The following CBFA2T3 variants were observed in gnomAD, a reference collection of about 807,000 sequenced individuals.
CBFA2T3 encodes CBFA2/RUNX1 partner transcriptional co-repressor 3, also known as transcriptional corepressor CBFA2T3.
Under a neutral mutation model 58.6 loss-of-function variants are expected in CBFA2T3, and 31 were observed. The ratio of observed to expected loss-of-function variants is 0.53; its 90% CI spans 0.40 to 0.71. CBFA2T3 has a LOEUF of 0.71. Among genes scored for constraint, CBFA2T3 ranks in the 30% least tolerant of loss-of-function variants. CBFA2T3 has a pLI of 0.00. For missense variants in CBFA2T3, 1,076 were observed against 963.1 expected, an observed-to-expected ratio of 1.12 and a Z score of -1.55; for synonymous variants, 531 against 421.9, an observed-to-expected ratio of 1.26 and a Z score of -3.17.
intron 1 of CBFA2T3, among the ~76,000 whole-genome samples, chr16:88,943,205 G>A (rs980291358): frequency 6.6e-6 from 1 of 152,248 alleles, no homozygotes. Context: ...AAGTCAGTCG[G>A]GTTGTGAGCT....
At chr16:88,931,793 T>C (rs1351384004) in intron 1 of CBFA2T3, among the ~76,000 whole-genome samples, 2 of 152,052 alleles carry the variant, frequency 1.3e-5, no homozygotes, top group African/African-American at 4.8e-5. Context: ...GCAGGTGCTG[T>C]GGTCCCCAGT....
intron 1 of CBFA2T3, chr16:88,950,344 G>C (rs1361359166): frequency 2.4e-6 from 1 of 415,568 alleles, no homozygotes; most frequent in Non-Finnish European, 4.8e-6. Context: ...CCGTCCCCTG[G>C]ACCGGCACCG....
At chr16:88,898,899 G>C (rs929069261) in intron 2 of CBFA2T3, among the ~76,000 whole-genome samples, 1 of 152,238 alleles carries the variant, frequency 6.6e-6, no homozygotes, top group Non-Finnish European at 1.5e-5. Context: ...TGTTCGAGCT[G>C]AAGTCAGTGG....
rs533536818 is a variant in CBFA2T3, at chr16:88,875,117, A to C, written c.*1859T>G. On this transcript the variant is annotated 3_prime_UTR_variant, in exon 12 of 12. Transcript: ENST00000268679. ...GATGCCAGGCCACGGGCCACGCCAC[A>C]CACACAGATGCCAGGCCACGGGCCA... 4.6e-6 allele frequency: 1 copy of C among 216,826 alleles called. No individual in the cohort carries two copies. The highest frequency in any genetic ancestry group is 9.0e-6 in the Non-Finnish European group (1 of 111,520). 13.4% of individuals were successfully genotyped at this position (216,826 alleles called of 1,614,324 possible). A position where few individuals can be genotyped will look rare whatever the true frequency, so the allele number is the denominator to read the frequency against.
chr16:88,950,582 C>A (rs1487489881), intron 1 of CBFA2T3: 1 of 412,840 alleles, frequency 2.4e-6, no homozygotes, highest in African/African-American at 2.8e-5. Flanking sequence ...AGTGTTGGCA[C>A]CTGTCTTCCG....
At chr16:88,925,099 A>T (rs1011862061) in intron 1 of CBFA2T3, among the ~76,000 whole-genome samples, 2 of 152,246 alleles carry the variant, frequency 1.3e-5, no homozygotes, top group Non-Finnish European at 2.9e-5. Context: ...GGAATCACAC[A>T]GCAACGGCCT....
intron 1 of CBFA2T3, among the ~76,000 whole-genome samples, chr16:88,967,127 T>C (rs1263045042): frequency 1.1e-5 from 1 of 89,910 alleles, no homozygotes; most frequent in African/African-American, 3.8e-5. Flanking sequence ...ACCCCCGAGG[T>C]GCCACTCGGC....
rs1189849330 is a variant in CBFA2T3, at chr16:88,881,415, G to A, written c.1278C>T (p.Ala426=). ...CCCAGTGGTTGAGCTCCTCGCGGTC[G>A]GCCTCCTGGCACCTGCGCAGCACCG... ...SLTVLRRCQE[A]DREELNHWAR... is the part of the protein sequence containing the mutation. Residue 426 remains alanine, a synonymous_variant, in exon 9 of 12, where the codon GCC becomes GCT. Transcript: ENST00000268679. 19 of 1,608,172 alleles carry A rather than the reference G, an allele frequency of 1.2e-5. No individual in the cohort carries two copies. Among genetic ancestry groups the A allele is most frequent in the East Asian group, 4.5e-5 (2 of 44,754 alleles).
At position 88,886,055 on chromosome 16, in the gene CBFA2T3, G is replaced by T; in HGVS notation, c.799C>A (p.Gln267Lys). ...GAGGCGCTGGCGTCCAGCAGGAGCTGCTCATGCTGGGCCAAGTACTGGGCG... is the reference window on the plus strand; with the variant it reads ...GAGGCGCTGGCGTCCAGCAGGAGCTTCTCATGCTGGGCCAAGTACTGGGCG... ...TPAQYLAQHE[Q>K]LLLDASASSP... The change falls in exon 6 of 12, where the codon CAG becomes AAG. Residue 267 changes from glutamine (Q) to lysine (K), a missense_variant. Transcript: ENST00000268679. 2 of 1,587,224 alleles carry T rather than the reference G, an allele frequency of 1.3e-6. No individual in the cohort carries two copies. Among genetic ancestry groups the T allele is most frequent in the Non-Finnish European group, 1.7e-6 (2 of 1,171,650 alleles).
intron 1 of CBFA2T3, among the ~76,000 whole-genome samples, chr16:88,944,206 A>T (rs1319520573): frequency 6.6e-6 from 1 of 151,884 alleles, no homozygotes; most frequent in Non-Finnish European, 1.5e-5. Context: ...GCGTGGTTGC[A>T]GGTGCCTGTA....
intron 1 of CBFA2T3, among the ~76,000 whole-genome samples, chr16:88,947,201 T>C (rs1404882362): frequency 6.6e-6 from 1 of 152,250 alleles, no homozygotes; most frequent in African/African-American, 2.4e-5. Context: ...GAAAGAGTAA[T>C]GAGAACTCGG....
chr16:88,922,462 G>A (rs1004725689), intron 1 of CBFA2T3, among the ~76,000 whole-genome samples: 10 of 152,216 alleles, frequency 6.6e-5, no homozygotes, highest in South Asian at 2.1e-4. Context: ...GGGCTGTATG[G>A]GCCTGGAGCA....
At chr16:88,962,760 G>A (rs1972399771) in intron 1 of CBFA2T3, among the ~76,000 whole-genome samples, 1 of 152,232 alleles carries the variant, frequency 6.6e-6, no homozygotes, top group Non-Finnish European at 1.5e-5. Context: ...GTCGCCTGGT[G>A]GGAAAACAGG....
At chr16:88,892,802 G>C (rs992754053) in intron 3 of CBFA2T3, among the ~76,000 whole-genome samples, 1 of 152,202 alleles carries the variant, frequency 6.6e-6, no homozygotes, top group African/African-American at 2.4e-5. Flanking sequence ...AATGGGTAAG[G>C]GCTGGGATGG....
chr16:88,890,541 G>T lies in CBFA2T3; in HGVS notation c.711+1341C>A, dbSNP rs545321057. 7.9e-5 allele frequency among the ~76,000 whole-genome samples: 12 copies of T among 152,320 alleles called. No individual in the cohort carries two copies. The South Asian group carries it at 2.5e-3, about 32-fold the overall frequency. Reference sequence around the variant, plus strand: ...ACGTGCTCGGCAGAGAAGGTCACATGGTCAGACACATTTGGGGAACCTTTC... The same window carrying T: ...ACGTGCTCGGCAGAGAAGGTCACATTGTCAGACACATTTGGGGAACCTTTC... On this transcript the variant is annotated intron_variant, in intron 5 of 11. Coordinates refer to ENST00000268679, the MANE Select transcript of CBFA2T3 (RefSeq NM_005187.6).
At chr16:88,939,916 A>T (rs536391082) in intron 1 of CBFA2T3, 2 of 152,418 alleles carry the variant, frequency 1.3e-5, no homozygotes, top group Non-Finnish European at 2.9e-5. Context: ...TTGAAGGGCA[A>T]TGCCAGGTAC....
chr16:88,910,118 C>G (rs1255127830), intron 1 of CBFA2T3, among the ~76,000 whole-genome samples: 3 of 152,248 alleles, frequency 2.0e-5, no homozygotes, highest in Admixed American at 2.0e-4. Flanking sequence ...CTACCCCACA[C>G]CCGCCTGTGC....
chr16:88,877,532 C>T (rs1057356578), intron 11 of CBFA2T3, among the ~76,000 whole-genome samples: 187 of 152,332 alleles, frequency 1.2e-3, no homozygotes, highest in African/African-American at 4.2e-3. Context: ...ACAACGACCC[C>T]TGCCTCCTCT....
rs541439185 is a variant in CBFA2T3 at position 88,937,257 on chromosome 16, G to C, written c.152-35601C>G. On this transcript the variant is annotated intron_variant, in intron 1 of 11. Transcript: ENST00000268679. ...TCGTTCACTGACGCAGGCTTTCCCA[G>C]AGAGACTGAGCCACGAGGTGGACGA... The C allele has an allele frequency of 2.0e-5, 3 of 152,408 alleles. No homozygotes were observed. In the East Asian group the frequency reaches 5.8e-4, roughly 29 times the overall value. 9.4% of individuals were successfully genotyped at this position (152,408 alleles called of 1,614,324 possible). A position where few individuals can be genotyped will look rare whatever the true frequency, so the allele number is the denominator to read the frequency against.
Sources: allele counts gnomAD v4.1 joint callset (sites outside exome capture counted in the v4.1 genomes callset), GRCh38; gene constraint gnomAD v4.1.1; transcripts MANE v1.5; gene names NCBI Gene and HGNC (gene_info 2026-07-23, HGNC 2026-07-21).